GLCCI1: variants seen among roughly 807,000 people sequenced by gnomAD.
GLCCI1 encodes glucocorticoid-induced transcript 1 protein.
GLCCI1 carries 24 observed loss-of-function variants against 52.2 expected under a neutral mutation model. The ratio of observed to expected loss-of-function variants is 0.46; its 90% CI spans 0.33 to 0.65. The LOEUF (loss-of-function observed/expected upper bound fraction) is 0.65, where lower values mean the gene tolerates loss of function less well. Ranked by LOEUF, GLCCI1 falls within the 30% of genes least tolerant of loss-of-function variation. The probability of loss-of-function intolerance (pLI) is 0.02; values close to 1 mark genes in which losing one functional copy is unlikely to be tolerated. For missense variants in GLCCI1, 704 were observed against 701.5 expected, an observed-to-expected ratio of 1.00 and a Z score of -0.04; for synonymous variants, 310 against 276.5, an observed-to-expected ratio of 1.12 and a Z score of -1.20.
intron 1 of GLCCI1, among the ~76,000 whole-genome samples, chr7:7,990,718 T>G (rs991896723): frequency 2.0e-5 from 3 of 152,120 alleles, no homozygotes; most frequent in African/African-American, 7.2e-5. Flanking sequence ...TTTCCGACTT[T>G]ATGAAGCACT....
intron 1 of GLCCI1, among the ~76,000 whole-genome samples, chr7:7,972,038 T>G (rs1780364768): frequency 6.6e-6 from 1 of 152,196 alleles, no homozygotes; most frequent in Non-Finnish European, 1.5e-5. Context: ...TTACCCCCAC[T>G]ACCCAAATTA....
chr7:7,986,813 G>T (rs1300072522), intron 1 of GLCCI1, among the ~76,000 whole-genome samples: 2 of 152,142 alleles, frequency 1.3e-5, no homozygotes. Context: ...AGTGTCATTG[G>T]ATTGAGTTCT....
chr7:8,008,898 GT>G lies in GLCCI1; in HGVS notation c.609+4849del, dbSNP rs537304556. ...TGGCTTTATGGGCCTTCACTGAACA[GT>G]TTTTTTTTTAACTGTTCTGTTTGAA... On this transcript the variant is annotated intron_variant, in intron 2 of 7. Coordinates refer to ENST00000223145, the MANE Select transcript of GLCCI1 (RefSeq NM_138426.4). Among the ~76,000 whole-genome samples the G allele has an allele frequency of 3.4e-3, 499 of 148,652 alleles. 4 individuals carry two copies. Among genetic ancestry groups the G allele is most frequent in the African/African-American group, 0.012 (468 of 40,610 alleles).
At chr7:7,992,461 C>T (rs1258680674) in intron 1 of GLCCI1, among the ~76,000 whole-genome samples, 3 of 152,016 alleles carry the variant, frequency 2.0e-5, no homozygotes, top group African/African-American at 7.2e-5. Context: ...TCCGTAAGTT[C>T]TTGCTAGTTA....
At chr7:8,002,428 G>A (rs2115425755) in intron 1 of GLCCI1, among the ~76,000 whole-genome samples, 1 of 152,288 alleles carries the variant, frequency 6.6e-6, no homozygotes, top group East Asian at 1.9e-4. Context: ...GGTTCCATTA[G>A]ATTCTCTGCC....
intron 1 of GLCCI1, among the ~76,000 whole-genome samples, chr7:7,990,329 G>T (rs547811174): frequency 2.0e-5 from 3 of 152,056 alleles, no homozygotes; most frequent in Non-Finnish European, 4.4e-5. Flanking sequence ...AGTCTGTATC[G>T]CCTGGACAGT....
intron 4 of GLCCI1, among the ~76,000 whole-genome samples, chr7:8,057,301 A>G (rs1357821451): frequency 6.6e-6 from 1 of 152,174 alleles, no homozygotes; most frequent in East Asian, 1.9e-4. Context: ...GAAATAGACA[A>G]ACATCCGTCA....
chr7:8,013,716 T>G (rs527881844), intron 2 of GLCCI1, among the ~76,000 whole-genome samples: 3 of 152,346 alleles, frequency 2.0e-5, no homozygotes, highest in Admixed American at 2.0e-4. Context: ...ACATTTCTTG[T>G]TAAACTTATA....
At chr7:7,970,602 AG>A (rs1780330482) in intron 1 of GLCCI1, 1 of 152,532 alleles carries the variant, frequency 6.6e-6, no homozygotes, top group Non-Finnish European at 1.5e-5. Flanking sequence ...AAGGATCTCA[AG>A]TTTCTTTTTT....
chr7:7,973,816 A>G (rs555743366), intron 1 of GLCCI1, among the ~76,000 whole-genome samples: 278 of 152,188 alleles, frequency 1.8e-3, no homozygotes, highest in Non-Finnish European at 3.2e-3. Flanking sequence ...GCCTGTGTTC[A>G]TTCATTTGCT....
At chr7:8,059,726 T>C (rs141717744) in intron 4 of GLCCI1, among the ~76,000 whole-genome samples, 18 of 152,344 alleles carry the variant, frequency 1.2e-4, no homozygotes, top group African/African-American at 4.3e-4. Context: ...TACAGAGCTA[T>C]ACAGTAGACT....
chr7:8,028,780 G>A (rs780066287), intron 3 of GLCCI1, among the ~76,000 whole-genome samples: 4 of 152,058 alleles, frequency 2.6e-5, no homozygotes, highest in African/African-American at 7.2e-5. Context: ...CTTTACAGCC[G>A]ATACCACAGA....
intron 1 of GLCCI1, among the ~76,000 whole-genome samples, chr7:7,998,179 T>C (rs201176591): frequency 8.4e-5 from 2 of 23,732 alleles, no homozygotes; most frequent in Non-Finnish European, 1.5e-4. Flanking sequence ...TTTTTTTGTT[T>C]TTTTTTTTTT....
Position 8,065,394 on chromosome 7 carries a change from A to C in GLCCI1, c.966+5146A>C, listed in dbSNP as rs113280668. Among the ~76,000 whole-genome samples the C allele has an allele frequency of 2.9e-3, 438 of 152,226 alleles. 2 individuals carry two copies. The highest frequency in any genetic ancestry group is 9.5e-3 in the African/African-American group (395 of 41,526). Reference sequence around the variant, plus strand: ...CTCTTCCTATTTGTGGCTGTCTTTTATTTCTTTCTCTTGCCTCATTGCTCC... The same window carrying C: ...CTCTTCCTATTTGTGGCTGTCTTTTCTTTCTTTCTCTTGCCTCATTGCTCC... On this transcript the variant is annotated intron_variant, in intron 5 of 7. Transcript: ENST00000223145.
intron 3 of GLCCI1, among the ~76,000 whole-genome samples, chr7:8,025,345 A>C (rs1781593014): frequency 6.6e-6 from 1 of 152,198 alleles, no homozygotes; most frequent in African/African-American, 2.4e-5. Context: ...ATCCCAAAAA[A>C]AATAAAAAAT....
At chr7:8,011,916 C>T (rs949468178) in intron 2 of GLCCI1, among the ~76,000 whole-genome samples, 7 of 151,776 alleles carry the variant, frequency 4.6e-5, no homozygotes, top group African/African-American at 9.7e-5. Flanking sequence ...CCCGGGTTCA[C>T]GCCATTCTCC....
At chr7:8,021,442 C>T (rs937555491) in intron 2 of GLCCI1, among the ~76,000 whole-genome samples, 2 of 151,862 alleles carry the variant, frequency 1.3e-5, no homozygotes, top group African/African-American at 4.8e-5. Flanking sequence ...GACAGAGTTT[C>T]ACTCTCGTCG....
chr7:8,000,073 G>A (rs774066533), intron 1 of GLCCI1, among the ~76,000 whole-genome samples: 4 of 152,168 alleles, frequency 2.6e-5, no homozygotes, highest in African/African-American at 4.8e-5. Flanking sequence ...TTAGAATGGC[G>A]TTTCCTTATC....
Position 8,023,677 on chromosome 7 carries a change from C to A in GLCCI1, c.696+1108C>A, listed in dbSNP as rs1345474334. On this transcript the variant is annotated intron_variant, in intron 3 of 7. Coordinates refer to ENST00000223145, the MANE Select transcript of GLCCI1 (RefSeq NM_138426.4). ...ACAGTGGCACAGTCTTGGCTCACTG[C>A]AGCTTCCACCTCCCAGGTTCAAGCG... Among the ~76,000 whole-genome samples, 4 of 138,320 alleles carry A rather than the reference C, an allele frequency of 2.9e-5. No individual in the cohort carries two copies. The South Asian group carries it at 9.3e-4, about 32-fold the overall frequency. The allele number at this position is 138,320 out of a possible 152,430, so 90.7% of individuals were successfully genotyped here. A position where few individuals can be genotyped will look rare whatever the true frequency, so the allele number is the denominator to read the frequency against.
Sources: allele counts gnomAD v4.1 joint callset (sites outside exome capture counted in the v4.1 genomes callset), GRCh38; gene constraint gnomAD v4.1.1; transcripts MANE v1.5; gene names NCBI Gene and HGNC (gene_info 2026-07-23, HGNC 2026-07-21).